CAMK4: variants seen among roughly 807,000 people sequenced by gnomAD.
CAMK4 encodes the protein calcium/calmodulin dependent protein kinase IV.
A neutral mutation model predicts 44.9 loss-of-function variants in CAMK4; 22 were observed. The observed-to-expected ratio is 0.49, with a 90% CI of 0.35 to 0.70. The LOEUF (loss-of-function observed/expected upper bound fraction) is 0.70. Among genes scored for constraint, CAMK4 ranks in the 30% least tolerant of loss-of-function variants. CAMK4 has a pLI of 0.01. For missense variants in CAMK4, 498 were observed against 586.8 expected, an observed-to-expected ratio of 0.85 and a Z score of 1.56; for synonymous variants, 218 against 215.4, an observed-to-expected ratio of 1.01 and a Z score of -0.11.
chr5:111,226,010 T>C (rs1748173199), intron 1 of CAMK4, among the ~76,000 whole-genome samples: 1 of 152,222 alleles, frequency 6.6e-6, no homozygotes, highest in Admixed American at 6.5e-5. Context: ...ATTAATTGTA[T>C]GATGCGTGAC....
At chr5:111,483,916 C>CT (rs1271778478) in intron 10 of CAMK4, 110 bp from the exon 11 acceptor site, 2 of 791,648 alleles carry the variant, frequency 2.5e-6, no homozygotes, top group African/African-American at 3.5e-5. Flanking sequence ...ACTTTGAAAA[C>CT]TTTAACGCTA....
At chr5:111,335,993 C>T (rs1250498525) in intron 1 of CAMK4, among the ~76,000 whole-genome samples, 2 of 151,182 alleles carry the variant, frequency 1.3e-5, no homozygotes, top group Non-Finnish European at 3.0e-5. Flanking sequence ...TTAGACAAAA[C>T]TAGAGCTCAA....
At chr5:111,356,834 G>A (rs1275074644) in intron 2 of CAMK4, among the ~76,000 whole-genome samples, 1 of 152,080 alleles carries the variant, frequency 6.6e-6, no homozygotes, top group African/African-American at 2.4e-5. Flanking sequence ...CGTTATTTCT[G>A]AGGCATTCTT....
At chr5:111,451,725 G>GA (rs929999355) in intron 7 of CAMK4, among the ~76,000 whole-genome samples, 23 of 147,448 alleles carry the variant, frequency 1.6e-4, no homozygotes, top group East Asian at 2.0e-4. Flanking sequence ...CCAACATGGT[G>GA]AAAAAAAAAA....
At chr5:111,399,130 A>G (rs560732058) in intron 5 of CAMK4, among the ~76,000 whole-genome samples, 17 of 152,142 alleles carry the variant, frequency 1.1e-4, no homozygotes, top group Non-Finnish European at 1.8e-4. Flanking sequence ...GATGTCCTGC[A>G]TATTCAGGTT....
In CAMK4 at chr5:111,417,657, A is replaced by G. The variant is rs149409994; in HGVS notation, c.459+22875A>G. Among the ~76,000 whole-genome samples the G allele has an allele frequency of 2.8e-3, 426 of 152,308 alleles. 2 individuals are homozygous for G. The highest frequency in any genetic ancestry group is 8.2e-3 in the African/African-American group (339 of 41,574). On this transcript the variant is annotated intron_variant, in intron 5 of 10. Transcript: ENST00000282356. ...AGATGTCAGCCCCCATGCCTGACCA[A>G]TTTATCAACTTTGAAATTAACAAGT...
chr5:111,259,459 A>G (rs906041763), intron 1 of CAMK4, among the ~76,000 whole-genome samples: 9 of 152,220 alleles, frequency 5.9e-5, no homozygotes, highest in Non-Finnish European at 1.0e-4. Flanking sequence ...TGAACTCATG[A>G]TATTCACGGA....
At chr5:111,389,366 A>T (rs1476722586) in intron 4 of CAMK4, among the ~76,000 whole-genome samples, 1 of 152,228 alleles carries the variant, frequency 6.6e-6, no homozygotes, top group East Asian at 1.9e-4. Context: ...TTTAGCTCAC[A>T]GTAGGCACTT....
chr5:111,379,563 T>C (rs1751339424), intron 4 of CAMK4, among the ~76,000 whole-genome samples: 1 of 152,142 alleles, frequency 6.6e-6, no homozygotes, highest in Admixed American at 6.6e-5. Context: ...TGCAGTTATC[T>C]TTAAATTTTA....
At chr5:111,264,314 G>A (rs192250018) in intron 1 of CAMK4, among the ~76,000 whole-genome samples, 3 of 152,288 alleles carry the variant, frequency 2.0e-5, no homozygotes, top group Admixed American at 2.0e-4. Flanking sequence ...CGCTCCAGGG[G>A]TTTGGTGTGC....
chr5:111,344,435 C>CACACACACACAT (rs1749786570), intron 2 of CAMK4, among the ~76,000 whole-genome samples: 1 of 146,438 alleles, frequency 6.8e-6, no homozygotes, highest in East Asian at 2.0e-4. Context: ...CACACACATA[C>CACACACACACAT]ACACACACAC....
At chr5:111,327,791 G>C (rs1157989380) in intron 1 of CAMK4, among the ~76,000 whole-genome samples, 2 of 149,836 alleles carry the variant, frequency 1.3e-5, no homozygotes, top group African/African-American at 2.5e-5. Flanking sequence ...GTGTCTTTTG[G>C]CTGCATAAAT....
intron 1 of CAMK4, among the ~76,000 whole-genome samples, chr5:111,325,276 G>A (rs1014133898): frequency 1.3e-5 from 2 of 151,954 alleles, no homozygotes; most frequent in Admixed American, 6.6e-5. Flanking sequence ...GGGCATTTGG[G>A]TTGGTTCCAA....
chr5:111,263,284 T>A (rs536523743), intron 1 of CAMK4, among the ~76,000 whole-genome samples: 1 of 152,244 alleles, frequency 6.6e-6, no homozygotes, highest in African/African-American at 2.4e-5. Flanking sequence ...TTTTATGTTA[T>A]ATACATCATA....
chr5:111,274,725 C>G (rs140724257), intron 1 of CAMK4, among the ~76,000 whole-genome samples: 99 of 152,178 alleles, frequency 6.5e-4, no homozygotes, highest in African/African-American at 2.4e-3. Flanking sequence ...TTCCTTACAT[C>G]CTTGCTAACA....
chr5:111,261,860 G>T (rs1749992506), intron 1 of CAMK4, among the ~76,000 whole-genome samples: 1 of 152,098 alleles, frequency 6.6e-6, no homozygotes, highest in African/African-American at 2.4e-5. Flanking sequence ...TGGGGACTAT[G>T]ATCTTCTTAA....
chr5:111,392,025 CAAG>C (rs1383732246), intron 4 of CAMK4, among the ~76,000 whole-genome samples: 2 of 138,170 alleles, frequency 1.4e-5, no homozygotes, highest in Non-Finnish European at 3.1e-5. Context: ...ATACAGCAAT[CAAG>C]AAGTTTATCT....
chr5:111,291,720 C>G (rs1485445657), intron 1 of CAMK4, among the ~76,000 whole-genome samples: 1 of 152,110 alleles, frequency 6.6e-6, no homozygotes, highest in Non-Finnish European at 1.5e-5. Flanking sequence ...CTATGTTGCA[C>G]AGCTGGTCTC....
At chr5:111,294,865 A>G (rs555149749) in intron 1 of CAMK4, among the ~76,000 whole-genome samples, 1 of 152,280 alleles carries the variant, frequency 6.6e-6, no homozygotes, top group Admixed American at 6.5e-5. Context: ...TGATTATTAA[A>G]TTGCTGCAGA....
Sources: allele counts gnomAD v4.1 joint callset (sites outside exome capture counted in the v4.1 genomes callset), GRCh38; gene constraint gnomAD v4.1.1; transcripts MANE v1.5; gene names NCBI Gene and HGNC (gene_info 2026-07-23, HGNC 2026-07-21).